PRH1: variants seen among roughly 807,000 people sequenced by gnomAD.
PRH1 encodes the protein proline rich protein HaeIII subfamily 1.
PRH1 carries 7 observed loss-of-function variants against 7.9 expected under a neutral mutation model. The ratio of observed to expected loss-of-function variants is 0.89; its 90% CI spans 0.50 to 1.67. The LOEUF (loss-of-function observed/expected upper bound fraction) is 1.67, where lower values mean the gene tolerates loss of function less well. Among genes scored for constraint, PRH1 ranks in the 40% most tolerant of loss-of-function variants. The probability of loss-of-function intolerance (pLI) is 0.00; values close to 1 mark genes in which losing one functional copy is unlikely to be tolerated. For missense variants in PRH1, 109 were observed against 223.6 expected, an observed-to-expected ratio of 0.49 and a Z score of 3.27; for synonymous variants, 45 against 80.8, an observed-to-expected ratio of 0.56 and a Z score of 2.38.
rs568384061 is a variant in PRH1, at chr12:11,094,329, G to A, written n.124-47141C>T. Among the ~76,000 whole-genome samples, 373 of 91,720 alleles carry A rather than the reference G, an allele frequency of 4.1e-3. 110 individuals carry two copies. The highest frequency in any genetic ancestry group is 7.2e-3 in the Non-Finnish European group (301 of 41,552). The allele number at this position is 91,720 out of a possible 152,430, so 60.2% of individuals were successfully genotyped here. ...AAAAAAAAAAAAAAAAAAAAAACCC[G>A]ACGTCAAACGACATGTGAGATATAA... is the stretch of plus-strand genomic sequence containing the variant. On this transcript the variant is annotated intron_variant and non_coding_transcript_variant, in intron 1 of 4. Transcript: ENST00000541977.
At chr12:11,055,233 C>A (rs978306370) in intron 1 of PRH1, among the ~76,000 whole-genome samples, 3 of 151,382 alleles carry the variant, frequency 2.0e-5, no homozygotes, top group Admixed American at 6.6e-5. Flanking sequence ...CTTAAAAGGA[C>A]CCAAAGAAAA....
chr12:10,885,831 TAA>T (rs1475933801), upstream of PRH1, among the ~76,000 whole-genome samples: 3 of 152,196 alleles, frequency 2.0e-5, no homozygotes, highest in Non-Finnish European at 4.4e-5. Flanking sequence ...CAGAAAATCA[TAA>T]AGACAAGGCC....
intron 1 of PRH1, among the ~76,000 whole-genome samples, chr12:11,040,495 C>T (rs879300815): frequency 1.3e-5 from 2 of 152,136 alleles, no homozygotes; most frequent in Non-Finnish European, 2.9e-5. Context: ...TGTTATCACT[C>T]ATAAGTGGGA....
At chr12:11,136,832 G>T (rs1252167839) in intron 1 of PRH1, among the ~76,000 whole-genome samples, 1 of 152,126 alleles carries the variant, frequency 6.6e-6, no homozygotes, top group East Asian at 1.9e-4. Flanking sequence ...ACCAGCCTGT[G>T]CAATACACCG....
At chr12:11,025,211 G>A (rs994281450) in intron 1 of PRH1, among the ~76,000 whole-genome samples, 2 of 151,852 alleles carry the variant, frequency 1.3e-5, no homozygotes, top group African/African-American at 4.8e-5. Context: ...GTAGAGACGG[G>A]GTTTCACCGT....
chr12:10,983,966 T>C (rs1031040277), intron 1 of PRH1, among the ~76,000 whole-genome samples: 8 of 152,376 alleles, frequency 5.3e-5, no homozygotes, highest in Non-Finnish European at 1.2e-4. Flanking sequence ...TTTAGTGTTA[T>C]AATTGTTATT....
chr12:11,106,657 A>C (rs1006763817), intron 1 of PRH1, among the ~76,000 whole-genome samples: 71 of 152,318 alleles, frequency 4.7e-4, no homozygotes, highest in African/African-American at 1.6e-3. Flanking sequence ...AGAGGAATCG[A>C]TGTTAAAATC....
intron 2 of PRH1, among the ~76,000 whole-genome samples, chr12:10,910,525 ACTCT>A (rs1296296733): frequency 1.3e-5 from 2 of 152,074 alleles, no homozygotes; most frequent in Non-Finnish European, 1.5e-5. Context: ...GGTGTCTCTC[ACTCT>A]CTCAAGATAC....
intron 2 of PRH1, among the ~76,000 whole-genome samples, chr12:10,970,281 A>G (rs11054112): frequency 0.24 from 37,003 of 152,136 alleles, 4,544 homozygotes; most frequent in Non-Finnish European, 0.25. Context: ...TGCACATACT[A>G]TGATTTTTGA....
chr12:10,992,101 A>G (rs1939961815), intron 1 of PRH1, among the ~76,000 whole-genome samples: 1 of 152,156 alleles, frequency 6.6e-6, no homozygotes. Flanking sequence ...ACCCTTAGCC[A>G]GTTCTCTGGA....
chr12:11,095,905 G>T (rs1194281108), intron 1 of PRH1, among the ~76,000 whole-genome samples: 1 of 114,682 alleles, frequency 8.7e-6, no homozygotes, highest in African/African-American at 2.9e-5. Context: ...ATACACTGAA[G>T]ACATGAATCC....
intron 2 of PRH1, chr12:10,965,310 C>A (rs1938449706): frequency 1.5e-6 from 2 of 1,337,352 alleles, no homozygotes; most frequent in African/African-American, 1.5e-5. Context: ...ACAAATGTAA[C>A]CACTACTAGA....
In PRH1 at chr12:10,907,169, T is replaced by G. The variant is rs143290682; in HGVS notation, c.-58-22894A>C. Among the ~76,000 whole-genome samples the G allele has an allele frequency of 4.8e-3, 734 of 152,262 alleles. 7 individuals carry two copies. Among genetic ancestry groups the G allele is most frequent in the African/African-American group, 0.017 (702 of 41,564 alleles). On this transcript the variant is annotated intron_variant, in intron 2 of 3. Transcript: ENST00000539853. ...CAATAGTATGAAATGGTGCAACCAC[T>G]CTATAGAACTCTGGCAGTTTTTTCT...
rs2708387 is a variant in PRH1 at position 11,053,305 on chromosome 12, A to T, written n.124-6117T>A. Among the ~76,000 whole-genome samples, 654 of 152,326 alleles carry T rather than the reference A, an allele frequency of 4.3e-3. 3 individuals carry two copies. The highest frequency in any genetic ancestry group is 0.015 in the African/African-American group (632 of 41,576). On this transcript the variant is annotated intron_variant and non_coding_transcript_variant, in intron 1 of 4. Transcript: ENST00000541977. ...TCATTATCCAAATGATATAGACAAGATGTGGGGGAGAGCTTACTTCTGTTT... is the reference window on the plus strand; with the variant it reads ...TCATTATCCAAATGATATAGACAAGTTGTGGGGGAGAGCTTACTTCTGTTT...
chr12:11,067,424 TATAA>T (rs1408316780), intron 1 of PRH1, among the ~76,000 whole-genome samples: 2 of 135,848 alleles, frequency 1.5e-5, no homozygotes, highest in Non-Finnish European at 3.3e-5. Context: ...ACATGTGTAT[TATAA>T]ATAATTAAAT....
intron 2 of PRH1, among the ~76,000 whole-genome samples, chr12:10,966,830 T>C (rs745628106): frequency 1.3e-5 from 2 of 151,990 alleles, no homozygotes; most frequent in Non-Finnish European, 2.9e-5. Flanking sequence ...TAATTAAAGG[T>C]AGAGGCTGGG....
chr12:11,017,839 C>T (rs1380596706), intron 1 of PRH1, among the ~76,000 whole-genome samples: 2 of 152,066 alleles, frequency 1.3e-5, no homozygotes, highest in Non-Finnish European at 2.9e-5. Flanking sequence ...CTTCCTATCA[C>T]TAAAAGAGAA....
chr12:10,884,948 T>C (rs1380910306), upstream of PRH1, among the ~76,000 whole-genome samples: 1 of 152,190 alleles, frequency 6.6e-6, no homozygotes, highest in Non-Finnish European at 1.5e-5. Flanking sequence ...TTTAAAAATA[T>C]CTTTAGGGTT....
At chr12:10,963,754 T>A (rs1266617339) in intron 2 of PRH1, among the ~76,000 whole-genome samples, 2 of 152,208 alleles carry the variant, frequency 1.3e-5, no homozygotes, top group East Asian at 3.8e-4. Context: ...TAAAATCTAA[T>A]ATTCCTCAGT....
Sources: gnomAD v4.1 joint callset for allele counts (sites outside exome capture counted in the v4.1 genomes callset) on GRCh38, gnomAD v4.1.1 for gene constraint, MANE v1.5 for transcripts, NCBI Gene and HGNC (gene_info 2026-07-23, HGNC 2026-07-21) for gene names.